The following LCA5L variants were observed in gnomAD, a reference collection of about 807,000 sequenced individuals.
LCA5L encodes the protein lebercilin-like protein.
A neutral mutation model predicts 45.4 loss-of-function variants in LCA5L; 35 were observed. The ratio of observed to expected loss-of-function variants is 0.77; its 90% CI spans 0.59 to 1.02. The LOEUF is 1.02. Among genes scored for constraint, LCA5L ranks in the 50% least tolerant of loss-of-function variants. The pLI is 0.00. For missense variants in LCA5L, 668 were observed against 761.6 expected (o/e 0.88, Z 1.45); for synonymous variants, 233 against 264.7 (o/e 0.88, Z 1.16).
chr21:39,420,639 G>C (rs2042144826), intron 7 of LCA5L, 67 bp downstream of exon 7: 2 of 1,347,036 alleles, frequency 1.5e-6, no homozygotes, highest in Admixed American at 1.8e-5. Context: ...AGATATAATA[G>C]ACATAAATAG....
intron 3 of LCA5L, among the ~76,000 whole-genome samples, chr21:39,431,983 T>G (rs1229298851): frequency 6.6e-6 from 1 of 152,230 alleles, no homozygotes; most frequent in Non-Finnish European, 1.5e-5. Flanking sequence ...GTTCACCGAT[T>G]TGTCTTAAAT....
At chr21:39,445,211 AAC>A (rs200623318) in intron 1 of LCA5L, among the ~76,000 whole-genome samples, 1 of 109,536 alleles carries the variant, frequency 9.1e-6, no homozygotes, top group East Asian at 3.6e-4. Context: ...GTGGGGGACA[AAC>A]ACAGACAGAG....
rs1569057309 is a variant in LCA5L at position 39,406,617 on chromosome 21, A to G, written c.1283-5T>C. 2 of 1,556,654 alleles carry G rather than the reference A, an allele frequency of 1.3e-6. No individual in the cohort carries two copies. Among genetic ancestry groups the G allele is most frequent in the Non-Finnish European group, 1.7e-6 (2 of 1,155,772 alleles). On this transcript the variant is annotated splice_polypyrimidine_tract_variant and splice_region_variant and intron_variant, in intron 10 of 10. Coordinates refer to ENST00000288350, the MANE Select transcript of LCA5L (RefSeq NM_152505.4). Reference sequence around the variant, plus strand: ...GTTTCTCTTCCCCTGATAAATCTATATTAGAAAAATAGGCAATTTAGTGCT... The same window carrying G: ...GTTTCTCTTCCCCTGATAAATCTATGTTAGAAAAATAGGCAATTTAGTGCT...
chr21:39,423,598 A>G (rs1339201015), intron 5 of LCA5L, 108 bp from the exon 6 acceptor site: 1 of 900,280 alleles, frequency 1.1e-6, no homozygotes, highest in African/African-American at 1.7e-5. Flanking sequence ...CACCACACAC[A>G]TACACACAAG....
At chr21:39,419,676 A>G (rs974857664) in intron 7 of LCA5L, among the ~76,000 whole-genome samples, 17 of 152,214 alleles carry the variant, frequency 1.1e-4, no homozygotes, top group African/African-American at 4.1e-4. Context: ...ATCCTTGTGA[A>G]TGGGATTAGT....
chr21:39,415,722 A>AT (rs976108673), intron 7 of LCA5L, among the ~76,000 whole-genome samples: 37 of 152,346 alleles, frequency 2.4e-4, no homozygotes, highest in Admixed American at 7.8e-4. Context: ...ACTGATTAAT[A>AT]TATCTCTTAC....
In LCA5L at chr21:39,425,541, G is replaced by A. The variant is rs1008983238; in HGVS notation, c.323-2051C>T. 6.6e-5 allele frequency among the ~76,000 whole-genome samples: 10 copies of A among 152,316 alleles called. No homozygotes were observed. In the East Asian group the frequency reaches 7.7e-4, roughly 12 times the overall value. Reference sequence around the variant, plus strand: ...CTGAGCACAGTAAGTGGAAAGCAGAGCAGGCCAGCCTCTAGGACATCTACT... The same window carrying A: ...CTGAGCACAGTAAGTGGAAAGCAGAACAGGCCAGCCTCTAGGACATCTACT... On this transcript the variant is annotated intron_variant, in intron 5 of 10. Coordinates refer to ENST00000288350, the MANE Select transcript of LCA5L (RefSeq NM_152505.4).
At chr21:39,417,744 T>A (rs1601781570) in intron 7 of LCA5L, among the ~76,000 whole-genome samples, 1 of 151,898 alleles carries the variant, frequency 6.6e-6, no homozygotes, top group East Asian at 2.0e-4. Flanking sequence ...GAGCTTCTTT[T>A]TATTTATTTA....
At chr21:39,416,268 A>G (rs901225913) in intron 7 of LCA5L, among the ~76,000 whole-genome samples, 2 of 152,188 alleles carry the variant, frequency 1.3e-5, no homozygotes, top group Admixed American at 1.3e-4. Flanking sequence ...TGAGGTGTTT[A>G]GTCTTTTAAG....
intron 3 of LCA5L, among the ~76,000 whole-genome samples, chr21:39,432,953 T>C (rs1394014389): frequency 6.6e-6 from 1 of 152,234 alleles, no homozygotes; most frequent in Non-Finnish European, 1.5e-5. Context: ...ATTTCCAGTT[T>C]TGGGCTATTA....
Position 39,406,522 on chromosome 21 carries a change from T to G in LCA5L, c.1373A>C (p.Lys458Thr). Residue 458 changes from lysine (K) to threonine (T), a missense_variant, in exon 11 of 11, where the codon AAA becomes ACA. By Grantham distance (78) the Lys-to-Thr change is moderately conservative. Coordinates refer to ENST00000288350, the MANE Select transcript of LCA5L (RefSeq NM_152505.4). ...QKDKKEDQEK[K>T]NIFVKEEQEL... is the part of the protein sequence containing the mutation. The stretch of plus-strand genomic sequence containing the variant: ...TTGCTCTTCTTTCACAAAAATGTTT[T>G]TCTTTTCTTGGTCTTCTTTTTTGTC... 1 of 1,613,320 alleles carries G rather than the reference T, an allele frequency of 6.2e-7. No individual in the cohort carries two copies. Among genetic ancestry groups the G allele is most frequent in the South Asian group, 1.1e-5 (1 of 90,852 alleles).
chr21:39,408,933 T>C (rs1409443206), intron 10 of LCA5L, among the ~76,000 whole-genome samples: 1 of 152,226 alleles, frequency 6.6e-6, no homozygotes, highest in Non-Finnish European at 1.5e-5. Flanking sequence ...TTGAATAATT[T>C]GCTACTCAGT....
chr21:39,426,823 C>G (rs2074792063), intron 5 of LCA5L, among the ~76,000 whole-genome samples: 1 of 152,212 alleles, frequency 6.6e-6, no homozygotes. Flanking sequence ...CTGGACTTTT[C>G]ATTTCCTGCC....
intron 2 of LCA5L, among the ~76,000 whole-genome samples, chr21:39,442,190 G>A (rs374439274): frequency 6.6e-6 from 1 of 152,302 alleles, no homozygotes; most frequent in East Asian, 1.9e-4. Context: ...AGGCAAGAGA[G>A]GATGAGAGGG....
chr21:39,434,355 G>A (rs1290940416), intron 3 of LCA5L, among the ~76,000 whole-genome samples: 1 of 152,096 alleles, frequency 6.6e-6, no homozygotes, highest in Non-Finnish European at 1.5e-5. Context: ...CTAGTATCAG[G>A]CCTATAACTG....
Position 39,409,833 on chromosome 21 carries a change from A to G in LCA5L, c.1282+146T>C. 1 of 569,080 alleles carries G rather than the reference A, an allele frequency of 1.8e-6. No homozygotes were observed. Among genetic ancestry groups the G allele is most frequent in the Non-Finnish European group, 3.1e-6 (1 of 325,626 alleles). The allele number at this position is 569,080 out of a possible 1,614,324, so 35.3% of individuals were successfully genotyped here. A position where few individuals can be genotyped will look rare whatever the true frequency, so the allele number is the denominator to read the frequency against. The stretch of plus-strand genomic sequence containing the variant: ...GGTCTCAAACTCTTGACCTCAGGTG[A>G]TCTGCCTGCCTTGGCCTCCCAAAGT... On this transcript the variant is annotated intron_variant, in intron 10 of 10. Coordinates refer to ENST00000288350, the MANE Select transcript of LCA5L (RefSeq NM_152505.4). This position sits in a 1 kb window ranked among gnomAD's most constrained non-coding sequence, Gnocchi z 4.2.
At chr21:39,442,586 T>C (rs549406182) in intron 2 of LCA5L, among the ~76,000 whole-genome samples, 3 of 152,160 alleles carry the variant, frequency 2.0e-5, no homozygotes, top group South Asian at 4.2e-4. Context: ...AATGAAGAGA[T>C]GTGAAAGATG....
chr21:39,420,957 G>T (rs1185906789), intron 6 of LCA5L, 114 bp from the exon 7 acceptor site: 2 of 767,716 alleles, frequency 2.6e-6, no homozygotes, highest in Non-Finnish European at 4.2e-6. Flanking sequence ...TACAATTTTA[G>T]TGAATGACTT....
intron 3 of LCA5L, among the ~76,000 whole-genome samples, chr21:39,434,490 T>C (rs1234660711): frequency 6.6e-6 from 1 of 152,190 alleles, no homozygotes; most frequent in Non-Finnish European, 1.5e-5. Flanking sequence ...TGGTGCATTT[T>C]TGAAAAATCC....
Sources: allele counts gnomAD v4.1 joint callset (sites outside exome capture counted in the v4.1 genomes callset), GRCh38; gene constraint gnomAD v4.1.1; non-coding constraint Gnocchi (gnomAD v3.1); transcripts MANE v1.5; gene names NCBI Gene and HGNC (gene_info 2026-07-23, HGNC 2026-07-21).